Variants in EGFLAM observed in about 807,000 individuals in gnomAD.
EGFLAM encodes the protein pikachurin.
Under a neutral mutation model 113.1 loss-of-function variants are expected in EGFLAM, and 79 were observed. The ratio of observed to expected loss-of-function variants is 0.70; its 90% confidence interval spans 0.58 to 0.84. EGFLAM has a LOEUF of 0.84. Among genes scored for constraint, EGFLAM ranks in the 40% least tolerant of loss-of-function variants. The probability of loss-of-function intolerance (pLI) is 0.00; values close to 1 mark genes in which losing one functional copy is unlikely to be tolerated. For missense variants in EGFLAM, 1,265 were observed against 1,291.6 expected, an observed-to-expected ratio of 0.98 and a Z score of 0.32; for synonymous variants, 504 against 487.6, an observed-to-expected ratio of 1.03 and a Z score of -0.44.
intron 6 of EGFLAM, among the ~76,000 whole-genome samples, chr5:38,384,854 A>T (rs1406502129): frequency 6.6e-6 from 1 of 152,050 alleles, no homozygotes; most frequent in Non-Finnish European, 1.5e-5. Context: ...ACTGGGGGTG[A>T]TTTTGGTCCC....
intron 1 of EGFLAM, among the ~76,000 whole-genome samples, chr5:38,328,288 GAAC>G (rs1005960954): frequency 5.3e-5 from 8 of 152,152 alleles, no homozygotes; most frequent in African/African-American, 1.9e-4. Flanking sequence ...ACTATCACGA[GAAC>G]AACAAGGGAG....
chr5:38,373,420 G>A (rs1210671239), intron 6 of EGFLAM, among the ~76,000 whole-genome samples: 1 of 151,996 alleles, frequency 6.6e-6, no homozygotes, highest in Non-Finnish European at 1.5e-5. Context: ...CAACCTCCCC[G>A]CTGCCTTTTG....
chr5:38,376,015 A>C (rs535408170), intron 6 of EGFLAM, among the ~76,000 whole-genome samples: 24 of 152,200 alleles, frequency 1.6e-4, no homozygotes, highest in African/African-American at 5.8e-4. Context: ...TTCAAAGAAG[A>C]CCCAAATCAT....
chr5:38,358,225 C>T (rs1209268572), intron 5 of EGFLAM, among the ~76,000 whole-genome samples: 1 of 151,412 alleles, frequency 6.6e-6, no homozygotes. Context: ...GTGGGTGGAT[C>T]ACGAGGTCAG....
chr5:38,333,364 G>A (rs116231548), intron 1 of EGFLAM, among the ~76,000 whole-genome samples: 1,743 of 152,224 alleles, frequency 0.011, 41 homozygotes, highest in African/African-American at 0.04. Context: ...TTAGCTCTTC[G>A]AGGAATTGCC....
At chr5:38,339,393 C>T (rs533397584) in intron 3 of EGFLAM, among the ~76,000 whole-genome samples, 1 of 152,266 alleles carries the variant, frequency 6.6e-6, no homozygotes, top group Non-Finnish European at 1.5e-5. Flanking sequence ...TGCCACTACT[C>T]CAGGCTAGAG....
intron 1 of EGFLAM, among the ~76,000 whole-genome samples, chr5:38,335,629 A>G (rs1739163114): frequency 6.6e-6 from 1 of 152,178 alleles, no homozygotes; most frequent in African/African-American, 2.4e-5. Context: ...AACAGATTTA[A>G]TGGCAGAGTC....
chr5:38,381,531 G>A (rs750595697), intron 6 of EGFLAM, among the ~76,000 whole-genome samples: 2 of 152,150 alleles, frequency 1.3e-5, no homozygotes, highest in Non-Finnish European at 2.9e-5. Context: ...ACGAAATAGA[G>A]GCATAAGTAC....
intron 6 of EGFLAM, among the ~76,000 whole-genome samples, chr5:38,376,558 C>A (rs1313400381): frequency 6.6e-6 from 1 of 152,180 alleles, no homozygotes; most frequent in Non-Finnish European, 1.5e-5. Flanking sequence ...TTGCTCTTTT[C>A]TGCTTCAGAA....
intron 19 of EGFLAM, 45 bp downstream of exon 19, chr5:38,451,503 TCA>T (rs778108907): frequency 3.8e-5 from 60 of 1,599,082 alleles, no homozygotes; most frequent in Non-Finnish European, 5.0e-5. Flanking sequence ...TGCGATTTTC[TCA>T]GACATTGCAG....
At chr5:38,428,438 G>A (rs1157858904) in intron 14 of EGFLAM, among the ~76,000 whole-genome samples, 1 of 152,210 alleles carries the variant, frequency 6.6e-6, no homozygotes, top group African/African-American at 2.4e-5. Context: ...TGTACCTCTG[G>A]TTATGCAAAA....
At chr5:38,326,480 C>T (rs949791574) in intron 1 of EGFLAM, among the ~76,000 whole-genome samples, 5 of 151,864 alleles carry the variant, frequency 3.3e-5, no homozygotes, top group South Asian at 2.1e-4. Context: ...TGGGCACCTT[C>T]GTTTTACTGT....
In EGFLAM at chr5:38,339,602, T is replaced by C. The variant is rs114573333; in HGVS notation, c.291+821T>C. ...CCACCACCCTCTGTTTTACATTTGC[T>C]TTGCCACTTAATCTTCACAACTATC... On this transcript the variant is annotated intron_variant, in intron 3 of 21. Coordinates refer to ENST00000322350, the MANE Select transcript of EGFLAM (RefSeq NM_152403.4). 5.3e-3 allele frequency among the ~76,000 whole-genome samples: 813 copies of C among 152,344 alleles called. 12 individuals are homozygous for C. Among genetic ancestry groups the C allele is most frequent in the African/African-American group, 0.019 (773 of 41,578 alleles).
intron 6 of EGFLAM, among the ~76,000 whole-genome samples, chr5:38,399,035 G>C (rs1289706955): frequency 6.6e-6 from 1 of 152,152 alleles, no homozygotes; most frequent in African/African-American, 2.4e-5. Context: ...TTTCTAAAAA[G>C]GCTGGGTCAG....
At chr5:38,351,896 C>A (rs1739635151) in intron 4 of EGFLAM, among the ~76,000 whole-genome samples, 1 of 152,140 alleles carries the variant, frequency 6.6e-6, no homozygotes, top group African/African-American at 2.4e-5. Context: ...GTCCCAGGAT[C>A]AGTGGCTGGG....
intron 17 of EGFLAM, 74 bp downstream of exon 17, chr5:38,438,529 C>G: frequency 7.2e-7 from 1 of 1,396,150 alleles, no homozygotes; most frequent in South Asian, 1.7e-5. Flanking sequence ...GGGACCACAA[C>G]TCTTAATGGA....
At chr5:38,447,343 T>C (rs541839852) in intron 17 of EGFLAM, among the ~76,000 whole-genome samples, 5 of 152,340 alleles carry the variant, frequency 3.3e-5, no homozygotes, top group African/African-American at 1.2e-4. Context: ...CTTAACTACG[T>C]GATCTCAGGC....
chr5:38,316,207 C>G (rs1278814990), intron 1 of EGFLAM, among the ~76,000 whole-genome samples: 1 of 151,938 alleles, frequency 6.6e-6, no homozygotes, highest in Non-Finnish European at 1.5e-5. Flanking sequence ...GCTTGGTTTG[C>G]TTGGACCCCT....
chr5:38,316,617 A>G (rs115351549), intron 1 of EGFLAM, among the ~76,000 whole-genome samples: 1,902 of 152,216 alleles, frequency 0.012, 36 homozygotes, highest in African/African-American at 0.041. Flanking sequence ...TGATTTTGGC[A>G]ATTTTTGTTA....
Sources: gnomAD v4.1 joint callset for allele counts (sites outside exome capture counted in the v4.1 genomes callset) on GRCh38, gnomAD v4.1.1 for gene constraint, MANE v1.5 for transcripts, NCBI Gene and HGNC (gene_info 2026-07-23, HGNC 2026-07-21) for gene names.